RALYL: variants seen among roughly 807,000 people sequenced by gnomAD.
RALYL encodes RALY RNA binding protein like, also known as RNA-binding Raly-like protein.
RALYL carries 29 observed loss-of-function variants against 35.1 expected under a neutral mutation model. That is an observed-to-expected ratio of 0.83 (90% CI 0.61 to 1.13). The LOEUF is 1.13. RALYL is among the 50% of genes most tolerant of loss of function. The pLI, the probability that RALYL is intolerant of heterozygous loss-of-function variation, is 0.00. For synonymous variants in RALYL, 120 were observed against 127.6 expected, an observed-to-expected ratio of 0.94 and a Z score of 0.40; for missense variants, 359 against 360.4, an observed-to-expected ratio of 1.00 and a Z score of 0.03.
At chr8:84,407,253 A>G (rs1202663255) in intron 1 of RALYL, among the ~76,000 whole-genome samples, 1 of 152,120 alleles carries the variant, frequency 6.6e-6, no homozygotes, top group African/African-American at 2.4e-5. Flanking sequence ...AATGATAAGT[A>G]CTCAATACTT....
chr8:84,432,145 A>G (rs868427399), intron 1 of RALYL, among the ~76,000 whole-genome samples: 24 of 152,190 alleles, frequency 1.6e-4, no homozygotes, highest in African/African-American at 5.5e-4. Flanking sequence ...TTGTGGTAGC[A>G]TGATTCATAA....
chr8:84,830,394 G>A (rs1427055), intron 4 of RALYL, among the ~76,000 whole-genome samples: 60,263 of 151,816 alleles, frequency 0.4, 12,390 homozygotes, highest in East Asian at 0.63. Flanking sequence ...AAAAAATGGG[G>A]GGTGGGGGTC....
At chr8:84,311,089 AAATG>A (rs1842720301) in intron 1 of RALYL, among the ~76,000 whole-genome samples, 1 of 142,618 alleles carries the variant, frequency 7.0e-6, no homozygotes, top group Admixed American at 7.2e-5. Flanking sequence ...AAAAAAAAAA[AAATG>A]TATATTAATG....
At position 84,529,662 on chromosome 8, in the gene RALYL, G is replaced by C. The variant is rs538283619; in HGVS notation, c.256+85G>C. On this transcript the variant is annotated intron_variant, in intron 2 of 8. Coordinates refer to ENST00000521268, the MANE Select transcript of RALYL (RefSeq NM_173848.7). Reference sequence around the variant, plus strand: ...TTTCACAAAACCCAACACCACTGTTGTTTCTACCTCTTCTTTAACCAATTA... The same window carrying C: ...TTTCACAAAACCCAACACCACTGTTCTTTCTACCTCTTCTTTAACCAATTA... 2.9e-5 allele frequency: 34 copies of C among 1,190,696 alleles called. No homozygotes were observed. The South Asian group carries it at 5.7e-4, about 20-fold the overall frequency. 73.8% of individuals were successfully genotyped at this position (1,190,696 alleles called of 1,614,324 possible).
chr8:84,354,617 G>T (rs868517120), intron 1 of RALYL, among the ~76,000 whole-genome samples: 8 of 150,006 alleles, frequency 5.3e-5, no homozygotes, highest in African/African-American at 2.0e-4. Context: ...TTTTTCTATG[G>T]CATGTGATTC....
chr8:84,395,658 A>G (rs1313924315), intron 1 of RALYL, among the ~76,000 whole-genome samples: 1 of 151,928 alleles, frequency 6.6e-6, no homozygotes, highest in African/African-American at 2.4e-5. Flanking sequence ...TTCCTTAAAA[A>G]TAGCAAGGTT....
chr8:84,727,197 T>A, intron 2 of RALYL, among the ~76,000 whole-genome samples: 1 of 151,862 alleles, frequency 6.6e-6, no homozygotes, highest in East Asian at 1.9e-4. Flanking sequence ...AGCGTGACAT[T>A]CATGCCAAGA....
intron 1 of RALYL, among the ~76,000 whole-genome samples, chr8:84,360,025 A>G (rs1284577295): frequency 6.6e-6 from 1 of 151,972 alleles, no homozygotes; most frequent in Non-Finnish European, 1.5e-5. Flanking sequence ...GGCATGCACC[A>G]GCACGCCTGG....
rs1003916233 is a variant in RALYL, at chr8:84,801,679, C to T, written c.333-3091C>T. Among the ~76,000 whole-genome samples the T allele has an allele frequency of 2.6e-5, 4 of 152,064 alleles. No individual in the cohort carries two copies. In the East Asian group the frequency reaches 5.8e-4, roughly 22 times the overall value. On this transcript the variant is annotated intron_variant, in intron 3 of 8. Transcript: ENST00000521268. ...TAATGCTAAGTGTACCAAAGCAAAG[C>T]CAAATCAGATGTGTCTGGACAATAC...
intron 1 of RALYL, among the ~76,000 whole-genome samples, chr8:84,418,487 C>A (rs1163613384): frequency 2.0e-5 from 3 of 152,136 alleles, no homozygotes; most frequent in African/African-American, 7.2e-5. Flanking sequence ...GATGAAAAAA[C>A]TGAGAAGGAC....
At chr8:84,254,700 C>T (rs1484330804) in intron 1 of RALYL, among the ~76,000 whole-genome samples, 5 of 141,832 alleles carry the variant, frequency 3.5e-5, no homozygotes, top group East Asian at 4.1e-4. Flanking sequence ...TGTAATAGTT[C>T]GTTTTCACAC....
At chr8:84,259,741 G>A (rs1260895887) in intron 1 of RALYL, among the ~76,000 whole-genome samples, 1 of 152,062 alleles carries the variant, frequency 6.6e-6, no homozygotes, top group Non-Finnish European at 1.5e-5. Context: ...ACTTACTGAT[G>A]ATTCTCAACA....
chr8:84,314,290 T>A (rs1843346795), intron 1 of RALYL, among the ~76,000 whole-genome samples: 1 of 152,050 alleles, frequency 6.6e-6, no homozygotes, highest in Admixed American at 6.6e-5. Context: ...TGGGTGGAGA[T>A]ACAGAGCAAC....
chr8:84,629,624 C>T (rs974027038), intron 2 of RALYL, among the ~76,000 whole-genome samples: 2 of 151,874 alleles, frequency 1.3e-5, no homozygotes, highest in African/African-American at 4.8e-5. Flanking sequence ...AGGGTAAATT[C>T]AGCTCATATG....
At chr8:84,557,336 A>G (rs1337140143) in intron 2 of RALYL, among the ~76,000 whole-genome samples, 1 of 152,186 alleles carries the variant, frequency 6.6e-6, no homozygotes, top group Non-Finnish European at 1.5e-5. Flanking sequence ...ATGTTTGTCA[A>G]AGTAATTTTC....
intron 2 of RALYL, among the ~76,000 whole-genome samples, chr8:84,547,054 A>C (rs1284046490): frequency 6.6e-6 from 1 of 152,242 alleles, no homozygotes; most frequent in East Asian, 1.9e-4. Context: ...TGCTGCACCC[A>C]TTAACCTGTC....
chr8:84,669,494 C>CG (rs1554771617), intron 2 of RALYL, among the ~76,000 whole-genome samples: 8 of 64,116 alleles, frequency 1.2e-4, no homozygotes, highest in Admixed American at 9.3e-4. Context: ...CCCTCCCCCC[C>CG]CCCCCACTCT....
chr8:84,189,243 A>T (rs1255801019), intron 1 of RALYL, among the ~76,000 whole-genome samples: 1 of 152,212 alleles, frequency 6.6e-6, no homozygotes, highest in African/African-American at 2.4e-5. Flanking sequence ...ATTACAAAAT[A>T]CTAGAGATTT....
At chr8:84,706,092 C>T (rs1379552943) in intron 2 of RALYL, 1 of 1,529,820 alleles carries the variant, frequency 6.5e-7, no homozygotes, top group South Asian at 1.2e-5. Flanking sequence ...TTTTTCATAT[C>T]ACTGGGGTAG....
Sources: allele counts gnomAD v4.1 joint callset (sites outside exome capture counted in the v4.1 genomes callset), GRCh38; gene constraint gnomAD v4.1.1; transcripts MANE v1.5; gene names NCBI Gene and HGNC (gene_info 2026-07-23, HGNC 2026-07-21).